Variants in RPRD2 observed in about 807,000 individuals in gnomAD.
RPRD2 encodes regulation of nuclear pre-mRNA domain-containing protein 2.
In RPRD2, 12 loss-of-function variants were observed where a neutral mutation model predicts 104.4. The observed-to-expected ratio is 0.11, with a 90% CI of 0.07 to 0.19. RPRD2 has a LOEUF of 0.19. Among genes scored for constraint, RPRD2 ranks in the 10% least tolerant of loss-of-function variants. The probability of loss-of-function intolerance (pLI) is 1.00; values close to 1 mark genes in which losing one functional copy is unlikely to be tolerated. For synonymous variants in RPRD2, 714 were observed against 684.9 expected (o/e 1.04, Z -0.66); for missense variants, 1,543 against 1,790.1 (o/e 0.86, Z 2.49).
chr1:150,457,658 A>ATC, intron 8 of RPRD2, 88 bp downstream of exon 8: 2 of 1,138,942 alleles, frequency 1.8e-6, no homozygotes, highest in South Asian at 1.4e-5. Flanking sequence ...GTATTGAAAG[A>ATC]TAGTTCATTT....
At position 150,473,429 on chromosome 1, in the gene RPRD2, CG is replaced by C; in HGVS notation, c.*96del. On this transcript the variant is annotated 3_prime_UTR_variant, in exon 11 of 11. Coordinates refer to ENST00000369068, the MANE Select transcript of RPRD2 (RefSeq NM_015203.5). ...TTGTTTTTATTTGTTTTCTCTTTCTCGATTTTTTTTTTATTATAACAAAGGG... is the reference window on the plus strand; with the variant it reads ...TTGTTTTTATTTGTTTTCTCTTTCTCATTTTTTTTTTATTATAACAAAGGG... 2 of 1,292,708 alleles carry C rather than the reference CG, an allele frequency of 1.5e-6. No individual in the cohort carries two copies. Among genetic ancestry groups the C allele is most frequent in the South Asian group, 1.8e-5 (1 of 56,388 alleles). 80.1% of individuals were successfully genotyped at this position (1,292,708 alleles called of 1,614,324 possible).
intron 4 of RPRD2, among the ~76,000 whole-genome samples, chr1:150,442,386 C>T (rs1666465999): frequency 6.6e-6 from 1 of 152,118 alleles, no homozygotes; most frequent in East Asian, 1.9e-4. Context: ...GGGGGATATA[C>T]TCTACCAAAT....
At chr1:150,436,804 C>G (rs587717270) in intron 2 of RPRD2, among the ~76,000 whole-genome samples, 1 of 151,642 alleles carries the variant, frequency 6.6e-6, no homozygotes, top group African/African-American at 2.4e-5. Flanking sequence ...ACTCAGGAAG[C>G]CGAGGCAGGA....
chr1:150,472,759 C>T lies in RPRD2; in HGVS notation c.3811C>T (p.Pro1271Ser). 1 of 1,611,748 alleles carries T rather than the reference C, an allele frequency of 6.2e-7. No individual in the cohort carries two copies. The highest frequency in any genetic ancestry group is 1.3e-5 in the African/African-American group (1 of 75,004). Residue 1271 changes from proline to serine, a missense_variant, in exon 11 of 11, where the codon CCT becomes TCT. Physicochemically the swap from Pro to Ser is moderately conservative, Grantham distance 74. This residue lies in a region of RPRD2 where 880 missense variants were observed against 885.6 expected (regional missense o/e 0.99). Coordinates refer to ENST00000369068, the MANE Select transcript of RPRD2 (RefSeq NM_015203.5). The stretch of plus-strand genomic sequence containing the variant: ...CAGTGGAATTCCTTTCCCTACCCCA[C>T]CTCCTCCTCCCCCTCCTGGGGAACA... Reference protein sequence around the residue: ...EHSGIPFPTPPPPPPPGEHSS... With the variant: ...EHSGIPFPTPSPPPPPGEHSS...
chr1:150,402,391 G>T (rs1553885597), intron 1 of RPRD2, among the ~76,000 whole-genome samples: 32 of 152,144 alleles, frequency 2.1e-4, no homozygotes, highest in Non-Finnish European at 1.5e-5. Flanking sequence ...AAAATGTAGA[G>T]AACAAGCCAA....
At chr1:150,414,043 A>G (rs915032173) in intron 1 of RPRD2, among the ~76,000 whole-genome samples, 10 of 152,144 alleles carry the variant, frequency 6.6e-5, no homozygotes, top group African/African-American at 2.4e-4. Context: ...CAGTGAGCCA[A>G]GATTGTGACT....
intron 2 of RPRD2, among the ~76,000 whole-genome samples, chr1:150,430,919 C>G (rs1262714579): frequency 6.7e-6 from 1 of 148,866 alleles, no homozygotes; most frequent in South Asian, 2.1e-4. Context: ...AAGAGCGAAA[C>G]TCCATCTCAA....
At chr1:150,426,989 A>G (rs1665175958) in intron 2 of RPRD2, among the ~76,000 whole-genome samples, 1 of 152,008 alleles carries the variant, frequency 6.6e-6, no homozygotes. Flanking sequence ...TACTAAAAAT[A>G]CAAAAATTAG....
At chr1:150,370,572 CTTTTTTT>C (rs11288735) in intron 1 of RPRD2, among the ~76,000 whole-genome samples, 3 of 109,750 alleles carry the variant, frequency 2.7e-5, no homozygotes, top group African/African-American at 7.2e-5. Context: ...TCCATTTTGT[CTTTTTTT>C]TTTTTTTTTT....
intron 1 of RPRD2, among the ~76,000 whole-genome samples, chr1:150,395,335 C>T: frequency 6.7e-6 from 1 of 148,876 alleles, no homozygotes; most frequent in Non-Finnish European, 1.5e-5. Flanking sequence ...GCAATTAATT[C>T]ATTCCTTTTC....
intron 2 of RPRD2, among the ~76,000 whole-genome samples, chr1:150,420,867 T>C (rs1664713827): frequency 6.6e-6 from 1 of 152,104 alleles, no homozygotes; most frequent in Middle Eastern, 3.2e-3. Context: ...TAAAATGCAT[T>C]TAGAAGAGAC....
chr1:150,413,959 G>A (rs1206127411), intron 1 of RPRD2, among the ~76,000 whole-genome samples: 8 of 152,102 alleles, frequency 5.3e-5, no homozygotes, highest in Non-Finnish European at 7.4e-5. Context: ...CAGACATGGT[G>A]GCATGTGACT....
rs866620809 is a variant in RPRD2, at chr1:150,472,779, G to A, written c.3831G>A (p.Gly1277=). Residue 1277 remains glycine (G), a synonymous_variant, in exon 11 of 11, where the codon GGG becomes GGA. Coordinates refer to ENST00000369068, the MANE Select transcript of RPRD2 (RefSeq NM_015203.5). ...CCCCACCTCCTCCTCCCCCTCCTGG[G>A]GAACATAGCAGCAGTGGTGGGAGTG... ...FPTPPPPPPP[G]EHSSSGGSGV... 3.1e-6 allele frequency: 5 copies of A among 1,611,658 alleles called. No homozygotes were observed. The African/African-American group carries it at 4.0e-5, about 13-fold the overall frequency.
chr1:150,405,273 G>C (rs1334819363), intron 1 of RPRD2, among the ~76,000 whole-genome samples: 3 of 152,144 alleles, frequency 2.0e-5, no homozygotes, highest in Admixed American at 6.5e-5. Context: ...ATACTACTCA[G>C]ATTTTTAATT....
chr1:150,405,358 A>G (rs1560174937), intron 1 of RPRD2, among the ~76,000 whole-genome samples: 1 of 152,150 alleles, frequency 6.6e-6, no homozygotes, highest in Non-Finnish European at 1.5e-5. Flanking sequence ...ACATAAAATG[A>G]AATTAGGCTT....
At chr1:150,461,194 G>A (rs974082175) in intron 9 of RPRD2, among the ~76,000 whole-genome samples, 31 of 151,320 alleles carry the variant, frequency 2.0e-4, no homozygotes, top group African/African-American at 7.3e-4. Context: ...AGGAGTTCGA[G>A]ACCAGCCTTG....
rs1659669694 is a variant in RPRD2, at chr1:150,364,478, A to G, written c.-237A>G. Among the ~76,000 whole-genome samples, 1 of 151,794 alleles carries G rather than the reference A, an allele frequency of 6.6e-6. No homozygotes were observed. Among genetic ancestry groups the G allele is most frequent in the African/African-American group, 2.4e-5 (1 of 41,308 alleles). ...AAACACGACCCCTTGAACAATATTG[A>G]TAAAACCTCCGAGACCCGCAGCCCC... On this transcript the variant is annotated 5_prime_UTR_variant, in exon 1 of 11. Transcript: ENST00000369068.
At position 150,373,136 on chromosome 1, in the gene RPRD2, C is replaced by A. The variant is rs181585058; in HGVS notation, c.205+8217C>A. On this transcript the variant is annotated intron_variant, in intron 1 of 10. Transcript: ENST00000369068. Reference sequence around the variant, plus strand: ...TCAAGCGATTCTCCTGTCTCAGCCTCCTGAGTAGCTGGGATTACAGGTGCA... The same window carrying A: ...TCAAGCGATTCTCCTGTCTCAGCCTACTGAGTAGCTGGGATTACAGGTGCA... Among the ~76,000 whole-genome samples, 6 of 152,162 alleles carry A rather than the reference C, an allele frequency of 3.9e-5. No homozygotes were observed. In the East Asian group the frequency reaches 1.2e-3, roughly 29 times the overall value.
At position 150,472,872 on chromosome 1, in the gene RPRD2, A is replaced by G; in HGVS notation, c.3924A>G (p.Pro1308=). ...PVDHSGVVPF[P]APPLAEHGVA... is the part of the protein sequence containing the mutation. Reference sequence around the variant, plus strand: ...ACCACTCTGGAGTTGTACCCTTCCCAGCCCCACCACTGGCAGAGCACGGAG... The same window carrying G: ...ACCACTCTGGAGTTGTACCCTTCCCGGCCCCACCACTGGCAGAGCACGGAG... The change falls in exon 11 of 11, where the codon CCA becomes CCG. Residue 1308 remains proline (P), a synonymous_variant. Coordinates refer to ENST00000369068, the MANE Select transcript of RPRD2 (RefSeq NM_015203.5). 2.5e-6 allele frequency: 4 copies of G among 1,612,372 alleles called. No individual in the cohort carries two copies. The highest frequency in any genetic ancestry group is 3.4e-6 in the Non-Finnish European group (4 of 1,179,230).
Sources: gnomAD v4.1 joint callset for allele counts (sites outside exome capture counted in the v4.1 genomes callset) on GRCh38, gnomAD v4.1.1 for gene constraint, gnomAD v4.1.1 regional missense constraint, MANE v1.5 for transcripts, NCBI Gene and HGNC (gene_info 2026-07-23, HGNC 2026-07-21) for gene names.